The following PCDHGA7 variants were observed in gnomAD, a reference collection of about 807,000 sequenced individuals.
PCDHGA7 encodes the protein protocadherin gamma-A7.
Under a neutral mutation model 58.3 loss-of-function variants are expected in PCDHGA7, and 44 were observed. That is an observed-to-expected ratio of 0.75 (90% CI 0.59 to 0.97). The LOEUF (loss-of-function observed/expected upper bound fraction) is 0.97, where lower values mean the gene tolerates loss of function less well. Ranked by LOEUF, PCDHGA7 falls within the 50% of genes least tolerant of loss-of-function variation. The pLI, the probability that PCDHGA7 is intolerant of heterozygous loss-of-function variation, is 0.00. For missense variants in PCDHGA7, 1,266 were observed against 1,188.7 expected, an observed-to-expected ratio of 1.06 and a Z score of -0.96; for synonymous variants, 516 against 504.2, an observed-to-expected ratio of 1.02 and a Z score of -0.31.
chr5:141,398,197 T>G lies in PCDHGA7; in HGVS notation c.2424+12874T>G, dbSNP rs1317220760. On this transcript the variant is annotated intron_variant, in intron 1 of 3. Transcript: ENST00000518325. Reference sequence around the variant, plus strand: ...AGTGCTCTTTCTCTTCCTGCTGTCTTTGTTCTGCCCGGCGCTCTGTGAGCA... The same window carrying G: ...AGTGCTCTTTCTCTTCCTGCTGTCTGTGTTCTGCCCGGCGCTCTGTGAGCA... 2.7e-6 allele frequency: 4 copies of G among 1,492,294 alleles called. No homozygotes were observed. The African/African-American group carries it at 4.2e-5, about 16-fold the overall frequency. The allele number at this position is 1,492,294 out of a possible 1,614,324, so 92.4% of individuals were successfully genotyped here.
chr5:141,407,982 G>A (rs976187867), intron 1 of PCDHGA7: 3 of 782,892 alleles, frequency 3.8e-6, no homozygotes, highest in Non-Finnish European at 5.7e-6. Context: ...CCGGGGATCC[G>A]TCAGCCTCTG....
intron 1 of PCDHGA7, among the ~76,000 whole-genome samples, chr5:141,455,907 ATTTATTTT>A (rs1199495676): frequency 7.1e-5 from 9 of 126,872 alleles, no homozygotes; most frequent in African/African-American, 1.1e-4. Context: ...TTATTTATTT[ATTTATTTT>A]GAGACGGAGT....
intron 1 of PCDHGA7, chr5:141,423,780 T>C: frequency 8.0e-7 from 1 of 1,243,766 alleles, no homozygotes; most frequent in Non-Finnish European, 1.0e-6. Flanking sequence ...ATATATTTAG[T>C]TCATATATAT....
chr5:141,504,379 G>T (rs181617363), intron 2 of PCDHGA7, among the ~76,000 whole-genome samples: 1 of 152,088 alleles, frequency 6.6e-6, no homozygotes, highest in African/African-American at 2.4e-5. Context: ...AGGTGGAGTC[G>T]CTGCCTCACA....
In PCDHGA7 at chr5:141,431,797, A is replaced by T. The variant is rs754056771; in HGVS notation, c.2424+46474A>T. 6.2e-7 allele frequency: 1 copy of T among 1,614,256 alleles called. No homozygotes were observed. The highest frequency in any genetic ancestry group is 2.2e-5 in the East Asian group (1 of 44,882). ...TGGACGTGAACGACAATGCCCCAGAAGTGGTCCTCACCTCTCTCGCCAGCT... is the reference window on the plus strand; with the variant it reads ...TGGACGTGAACGACAATGCCCCAGATGTGGTCCTCACCTCTCTCGCCAGCT... On this transcript the variant is annotated intron_variant, in intron 1 of 3. Coordinates refer to ENST00000518325, the MANE Select transcript of PCDHGA7 (RefSeq NM_018920.4). This position sits in a 1 kb window ranked among gnomAD's most constrained non-coding sequence, Gnocchi z 4.8.
chr5:141,399,330 A>T, intron 1 of PCDHGA7: 1 of 1,613,994 alleles, frequency 6.2e-7, no homozygotes, highest in Non-Finnish European at 8.5e-7. Flanking sequence ...ATAAGTTGGT[A>T]ACAGATGGAA....
chr5:141,392,741 C>T, intron 1 of PCDHGA7: 1 of 1,435,876 alleles, frequency 7.0e-7, no homozygotes. Context: ...ATCTCCATAG[C>T]TGCGGCAAGA....
intron 1 of PCDHGA7, chr5:141,418,385 G>A (rs759618059): frequency 8.7e-6 from 14 of 1,613,930 alleles, no homozygotes; most frequent in Admixed American, 1.7e-5. Flanking sequence ...AAGTCCTAAC[G>A]AGTATTTCTC....
chr5:141,483,904 T>A (rs11750647), intron 1 of PCDHGA7, among the ~76,000 whole-genome samples: 24,531 of 151,676 alleles, frequency 0.16, 2,105 homozygotes, highest in African/African-American at 0.21. Context: ...CTCTGGTGTG[T>A]TTCCCACTCA....
rs1256790840 is a variant in PCDHGA7, at chr5:141,392,835, C to T, written c.2424+7512C>T. 8 of 1,608,038 alleles carry T rather than the reference C, an allele frequency of 5.0e-6. No individual in the cohort carries two copies. In the South Asian group the frequency reaches 5.5e-5, roughly 11 times the overall value. On this transcript the variant is annotated intron_variant, in intron 1 of 3. Coordinates refer to ENST00000518325, the MANE Select transcript of PCDHGA7 (RefSeq NM_018920.4). The stretch of plus-strand genomic sequence containing the variant: ...AACAATGGCCGCTCCACAGAGTCGC[C>T]CCAGACGCGGCGAGCTGATCCTGCT...
At chr5:141,389,296 A>C in intron 1 of PCDHGA7, 1 of 1,613,988 alleles carries the variant, frequency 6.2e-7, no homozygotes, top group African/African-American at 1.3e-5. Context: ...TCTATTTCAC[A>C]AGTCAGGGCT....
chr5:141,422,286 T>C, intron 1 of PCDHGA7: 2 of 1,554,938 alleles, frequency 1.3e-6, no homozygotes, highest in Non-Finnish European at 1.7e-6. Flanking sequence ...TCACCTCTTC[T>C]ATTAATTCAA....
chr5:141,458,972 GTCC>G (rs2154566422), intron 1 of PCDHGA7, among the ~76,000 whole-genome samples: 1 of 151,882 alleles, frequency 6.6e-6, no homozygotes, highest in East Asian at 1.9e-4. Context: ...GCCTCAAGCA[GTCC>G]TCCTGCCTCA....
Position 141,477,553 on chromosome 5 carries a change from A to G in PCDHGA7, c.2425-17254A>G. ...TCCCCGGGGCTCCAATACTAAACCTAAGTGTCTGGGACCCCGACGCCCCGC... is the reference window on the plus strand; with the variant it reads ...TCCCCGGGGCTCCAATACTAAACCTGAGTGTCTGGGACCCCGACGCCCCGC... On this transcript the variant is annotated intron_variant, in intron 1 of 3. Transcript: ENST00000518325. This position sits in a 1 kb window ranked among gnomAD's most constrained non-coding sequence, Gnocchi z 4.9. 5 of 1,614,090 alleles carry G rather than the reference A, an allele frequency of 3.1e-6. No individual in the cohort carries two copies. The highest frequency in any genetic ancestry group is 4.2e-6 in the Non-Finnish European group (5 of 1,180,020).
At chr5:141,479,535 G>A (rs539785154) in intron 1 of PCDHGA7, 2 of 152,378 alleles carry the variant, frequency 1.3e-5, no homozygotes, top group Non-Finnish European at 2.9e-5. Context: ...AAGTGGAGAA[G>A]GTCAAAACTG....
intron 1 of PCDHGA7, chr5:141,405,445 A>G: frequency 7.3e-7 from 1 of 1,360,898 alleles, no homozygotes; most frequent in Non-Finnish European, 1.0e-6. Context: ...TTTGAGACAG[A>G]GTCTTACTCT....
At chr5:141,430,877 G>T in intron 1 of PCDHGA7, 1 of 1,600,796 alleles carries the variant, frequency 6.2e-7, no homozygotes. Flanking sequence ...GGAAGAGCTG[G>T]AGAAAGGCTC....
intron 1 of PCDHGA7, among the ~76,000 whole-genome samples, chr5:141,464,454 A>G (rs999305559): frequency 6.6e-6 from 1 of 151,542 alleles, no homozygotes; most frequent in Non-Finnish European, 1.5e-5. Context: ...TGTTGTTGTT[A>G]TTTTTGAAGT....
At chr5:141,464,729 G>T (rs1412585185) in intron 1 of PCDHGA7, among the ~76,000 whole-genome samples, 1 of 151,948 alleles carries the variant, frequency 6.6e-6, no homozygotes, top group Non-Finnish European at 1.5e-5. Context: ...ATGTTTAAAA[G>T]CCAGTTTATA....
Sources: gnomAD v4.1 joint callset for allele counts (sites outside exome capture counted in the v4.1 genomes callset) on GRCh38, gnomAD v4.1.1 for gene constraint, Gnocchi (gnomAD v3.1) non-coding constraint, MANE v1.5 for transcripts, NCBI Gene and HGNC (gene_info 2026-07-23, HGNC 2026-07-21) for gene names.